MUC7: variants seen among roughly 807,000 people sequenced by gnomAD.
MUC7 encodes the protein mucin-7.
Under a neutral mutation model 2.5 loss-of-function variants are expected in MUC7, and 2 were observed. The observed-to-expected ratio is 0.81, with a 90% CI of 0.33 to 2.55. The LOEUF (loss-of-function observed/expected upper bound fraction) is 2.55, where lower values mean the gene tolerates loss of function less well. Ranked by LOEUF, MUC7 falls within the 30% of genes most tolerant of loss-of-function variation. MUC7 has a pLI of 0.11. For missense variants in MUC7, 408 were observed against 455.6 expected, an observed-to-expected ratio of 0.90 and a Z score of 0.95; for synonymous variants, 133 against 173.4, an observed-to-expected ratio of 0.77 and a Z score of 1.83.
chr4:70,456,585 T>C (rs1734421417), intron 1 of MUC7, among the ~76,000 whole-genome samples: 1 of 152,112 alleles, frequency 6.6e-6, no homozygotes, highest in South Asian at 2.1e-4. Context: ...CACACACTTT[T>C]AAACCATCAG....
intron 1 of MUC7, among the ~76,000 whole-genome samples, chr4:70,452,386 T>A (rs1419673425): frequency 6.6e-6 from 1 of 152,222 alleles, no homozygotes; most frequent in Non-Finnish European, 1.5e-5. Context: ...GTGGTATGTT[T>A]TCATTTCTTG....
intron 2 of MUC7, among the ~76,000 whole-genome samples, chr4:70,474,976 G>A (rs114631806): frequency 0.013 from 2,051 of 152,142 alleles, 46 homozygotes; most frequent in African/African-American, 0.047. Flanking sequence ...TTGTATATGT[G>A]GTAAAAGAAA....
chr4:70,445,214 A>G (rs1467684513), intron 1 of MUC7, among the ~76,000 whole-genome samples: 1 of 152,188 alleles, frequency 6.6e-6, no homozygotes, highest in Non-Finnish European at 1.5e-5. Context: ...ATCAATGATC[A>G]CAACTGTGTC....
intron 1 of MUC7, among the ~76,000 whole-genome samples, chr4:70,456,232 C>T (rs986700652): frequency 6.6e-6 from 1 of 152,160 alleles, no homozygotes; most frequent in African/African-American, 2.4e-5. Context: ...ATTCAGAAGA[C>T]TCTGAAAACA....
At chr4:70,440,823 T>G (rs1411006535) in intron 1 of MUC7, among the ~76,000 whole-genome samples, 2 of 151,690 alleles carry the variant, frequency 1.3e-5, no homozygotes, top group East Asian at 1.9e-4. Flanking sequence ...AGAGAATGGA[T>G]GAGAAGAAGG....
At chr4:70,443,428 C>T (rs540832289) in intron 1 of MUC7, among the ~76,000 whole-genome samples, 38 of 151,960 alleles carry the variant, frequency 2.5e-4, no homozygotes, top group Non-Finnish European at 4.4e-4. Context: ...AAAGATCTCA[C>T]ACTATCAAAT....
chr4:70,457,042 G>A (rs1393297738), intron 1 of MUC7, among the ~76,000 whole-genome samples: 1 of 152,170 alleles, frequency 6.6e-6, no homozygotes, highest in Non-Finnish European at 1.5e-5. Context: ...ATGGAAGACA[G>A]GGGACTGCAA....
At chr4:70,472,593 A>G (rs1734863150) in intron 1 of MUC7, among the ~76,000 whole-genome samples, 1 of 152,208 alleles carries the variant, frequency 6.6e-6, no homozygotes, top group Non-Finnish European at 1.5e-5. Context: ...TGCTAGTACT[A>G]TAATAATACC....
At chr4:70,450,980 C>A (rs114680887) in intron 1 of MUC7, among the ~76,000 whole-genome samples, 1 of 110,862 alleles carries the variant, frequency 9.0e-6, no homozygotes, top group Non-Finnish European at 1.9e-5. Flanking sequence ...GCATGCCCCC[C>A]CAGTCCACTG....
intron 1 of MUC7, among the ~76,000 whole-genome samples, chr4:70,454,403 G>C (rs374939378): frequency 6.6e-6 from 1 of 152,116 alleles, no homozygotes; most frequent in African/African-American, 2.4e-5. Flanking sequence ...ACTTAAGCCC[G>C]GTTTTGTTTT....
chr4:70,432,462 G>C (rs539324978), intron 1 of MUC7, among the ~76,000 whole-genome samples: 17 of 152,250 alleles, frequency 1.1e-4, no homozygotes, highest in East Asian at 3.9e-4. Flanking sequence ...GATGGTATCT[G>C]GTTGTGGTTT....
intron 1 of MUC7, among the ~76,000 whole-genome samples, chr4:70,457,258 C>T (rs1214483253): frequency 1.3e-5 from 2 of 152,128 alleles, no homozygotes; most frequent in East Asian, 1.9e-4. Flanking sequence ...GCCTGTACAA[C>T]ATAGTGAGAC....
chr4:70,446,958 G>A (rs1294508221), intron 1 of MUC7, among the ~76,000 whole-genome samples: 1 of 150,884 alleles, frequency 6.6e-6, no homozygotes, highest in East Asian at 2.0e-4. Flanking sequence ...TCATCTGCAG[G>A]CAAATATTTT....
exon 1 of MUC7, chr4:70,430,548 T>C (rs1259050268): frequency 6.6e-6 from 1 of 152,090 alleles, no homozygotes; most frequent in Non-Finnish European, 1.5e-5. Context: ...CTATAAGAAA[T>C]GTTCTCTTAC....
intron 1 of MUC7, among the ~76,000 whole-genome samples, chr4:70,458,689 A>G (rs1734470052): frequency 6.6e-6 from 1 of 152,138 alleles, no homozygotes; most frequent in African/African-American, 2.4e-5. Context: ...CAAGTTAAAG[A>G]AAATAAATTG....
At chr4:70,456,063 G>A (rs952898243) in intron 1 of MUC7, among the ~76,000 whole-genome samples, 1 of 152,108 alleles carries the variant, frequency 6.6e-6, no homozygotes, top group Non-Finnish European at 1.5e-5. Flanking sequence ...ATTCTAACAA[G>A]TCTCTAGGAG....
intron 1 of MUC7, among the ~76,000 whole-genome samples, chr4:70,456,819 T>C (rs1212350120): frequency 2.0e-5 from 3 of 152,238 alleles, no homozygotes; most frequent in African/African-American, 7.2e-5. Flanking sequence ...GAATTGATTA[T>C]TGGCATTAAC....
chr4:70,447,674 T>C (rs1470090264), intron 1 of MUC7, among the ~76,000 whole-genome samples: 2 of 152,174 alleles, frequency 1.3e-5, no homozygotes, highest in African/African-American at 4.8e-5. Context: ...ACATAAGGTG[T>C]ATATATTTGT....
chr4:70,434,217 G>C (rs1361092546), intron 1 of MUC7, among the ~76,000 whole-genome samples: 3 of 152,088 alleles, frequency 2.0e-5, no homozygotes, highest in Non-Finnish European at 2.9e-5. Context: ...TTTGGTATCA[G>C]GATGATGCTG....
Sources: allele counts gnomAD v4.1 joint callset (sites outside exome capture counted in the v4.1 genomes callset), GRCh38; gene constraint gnomAD v4.1.1; transcripts MANE v1.5; gene names NCBI Gene and HGNC (gene_info 2026-07-23, HGNC 2026-07-21).